Variants in MME observed in about 807,000 individuals in gnomAD.
MME encodes the protein neprilysin.
Under a neutral mutation model 113.2 loss-of-function variants are expected in MME, and 98 were observed. The ratio of observed to expected loss-of-function variants is 0.87; its 90% confidence interval spans 0.74 to 1.02. The LOEUF is 1.02. Ranked by LOEUF, MME falls within the 50% of genes least tolerant of loss-of-function variation. The pLI is 0.00. For synonymous variants in MME, 292 were observed against 300.6 expected (o/e 0.97, Z 0.30); for missense variants, 836 against 896.0 (o/e 0.93, Z 0.86).
intron 12 of MME, among the ~76,000 whole-genome samples, chr3:155,142,786 A>G (rs1214675939): frequency 2.6e-5 from 4 of 152,106 alleles, no homozygotes; most frequent in African/African-American, 7.2e-5. Context: ...CTATACCTAT[A>G]TTATTTAAAC....
chr3:155,102,229 G>T (rs1410273940), intron 3 of MME, among the ~76,000 whole-genome samples: 1 of 152,184 alleles, frequency 6.6e-6, no homozygotes, highest in Non-Finnish European at 1.5e-5. Context: ...ATAGCAGATG[G>T]TGATGATTTA....
At chr3:155,103,427 G>A (rs1253869731) in intron 3 of MME, among the ~76,000 whole-genome samples, 1 of 152,242 alleles carries the variant, frequency 6.6e-6, no homozygotes, top group South Asian at 2.1e-4. Context: ...AGCCTCCTAG[G>A]TTTAGCCCCT....
rs955241975 is a variant in MME, at chr3:155,116,721, G to A, written c.497G>A (p.Gly166Glu). 1.9e-6 allele frequency: 3 copies of A among 1,613,454 alleles called. No individual in the cohort carries two copies. The highest frequency in any genetic ancestry group is 2.5e-6 in the Non-Finnish European group (3 of 1,179,786). Residue 166 changes from glycine (G) to glutamate (E), a missense_variant, in exon 6 of 23, where the codon GGG becomes GAG. Coordinates refer to ENST00000360490, the MANE Select transcript of MME (RefSeq NM_007289.4). ...PLLKLLPDIY[G>E]WPVATENWEQ... Reference sequence around the variant, plus strand: ...CTCAAACTGTTACCAGACATATATGGGTGGCCAGTAGCAACAGAAAACTGG... The same window carrying A: ...CTCAAACTGTTACCAGACATATATGAGTGGCCAGTAGCAACAGAAAACTGG...
At chr3:155,042,290 G>A (rs961398200) in intron 1 of MME, among the ~76,000 whole-genome samples, 1 of 152,144 alleles carries the variant, frequency 6.6e-6, no homozygotes, top group Non-Finnish European at 1.5e-5. Flanking sequence ...GTTTCTGTGT[G>A]TCTAGCTAAT....
At chr3:155,156,061 T>C (rs1256678254) in intron 16 of MME, among the ~76,000 whole-genome samples, 1 of 152,160 alleles carries the variant, frequency 6.6e-6, no homozygotes, top group Non-Finnish European at 1.5e-5. Flanking sequence ...GTACTTCAGT[T>C]ATGTTAACAA....
chr3:155,069,450 G>C (rs1310275790), intron 1 of MME, among the ~76,000 whole-genome samples: 1 of 152,200 alleles, frequency 6.6e-6, no homozygotes, highest in Non-Finnish European at 1.5e-5. Flanking sequence ...GTTGAGAGAG[G>C]TTTGTTAAGG....
At chr3:155,168,305 A>G (rs1473759540) in intron 18 of MME, among the ~76,000 whole-genome samples, 187 bp from the exon 19 acceptor site, 1 of 152,212 alleles carries the variant, frequency 6.6e-6, no homozygotes, top group Non-Finnish European at 1.5e-5. Flanking sequence ...AAGCATTAGC[A>G]AAGAAAGCTC....
chr3:155,111,824 C>T (rs1376604403), intron 3 of MME, among the ~76,000 whole-genome samples: 1 of 152,130 alleles, frequency 6.6e-6, no homozygotes, highest in Non-Finnish European at 1.5e-5. Context: ...ATAGCCTTCA[C>T]AACATTCAGT....
chr3:155,063,505 A>T (rs1439224143), intron 1 of MME, among the ~76,000 whole-genome samples: 1 of 112,432 alleles, frequency 8.9e-6, no homozygotes, highest in East Asian at 2.3e-4. Flanking sequence ...ATTTAAATAT[A>T]TATATTTAAA....
At chr3:155,148,769 C>A in intron 16 of MME, 116 bp downstream of exon 16, 1 of 753,850 alleles carries the variant, frequency 1.3e-6, no homozygotes, top group East Asian at 2.6e-5. Context: ...ACAAAGTCCT[C>A]TTTTTATTGA....
At chr3:155,085,153 A>C in intron 3 of MME, 59 bp downstream of exon 3, 1 of 1,099,570 alleles carries the variant, frequency 9.1e-7, no homozygotes, top group Non-Finnish European at 1.4e-6. Flanking sequence ...TTTAAAATTA[A>C]ATGCTAATCT....
At chr3:155,046,065 C>T (rs1382096521) in intron 1 of MME, among the ~76,000 whole-genome samples, 1 of 152,134 alleles carries the variant, frequency 6.6e-6, no homozygotes, top group Admixed American at 6.6e-5. Context: ...CTTCAACTAG[C>T]TTTTGTGCCT....
rs1559928693 is a variant in MME, at chr3:155,117,004, A to T, written c.654+18A>T. 3.0e-6 allele frequency: 4 copies of T among 1,312,074 alleles called. No homozygotes were observed. The South Asian group carries it at 4.7e-5, about 15-fold the overall frequency. 81.3% of individuals were successfully genotyped at this position (1,312,074 alleles called of 1,614,324 possible). Reference sequence around the variant, plus strand: ...TAATTCATGTAAGTTTGTGTGTCAAATAACTAAAGTTACCTTTAAATTGTA... The same window carrying T: ...TAATTCATGTAAGTTTGTGTGTCAATTAACTAAAGTTACCTTTAAATTGTA... On this transcript the variant is annotated intron_variant, in intron 7 of 22. Coordinates refer to ENST00000360490, the MANE Select transcript of MME (RefSeq NM_007289.4).
At chr3:155,139,826 A>G (rs1300409588) in intron 9 of MME, among the ~76,000 whole-genome samples, 5 of 152,200 alleles carry the variant, frequency 3.3e-5, no homozygotes, top group Non-Finnish European at 4.4e-5. Flanking sequence ...TATTTAAGAG[A>G]GAAATTGGAG....
Position 155,167,011 on chromosome 3 carries a change from C to T in MME, c.1770C>T (p.Phe590=), listed in dbSNP as rs199996079. The change falls in exon 18 of 23, where the codon TTC becomes TTT. Residue 590 remains phenylalanine, a synonymous_variant. Coordinates refer to ENST00000360490, the MANE Select transcript of MME (RefSeq NM_007289.4). The part of the protein sequence containing the change: ...MVIGHEITHG[F]DDNGRNFNKD... ...TAGGACACGAAATCACCCATGGCTTCGATGACAATGGTAAAGTGCAGTTGA... is the reference window on the plus strand; with the variant it reads ...TAGGACACGAAATCACCCATGGCTTTGATGACAATGGTAAAGTGCAGTTGA... 11 of 1,613,410 alleles carry T rather than the reference C, an allele frequency of 6.8e-6. No individual in the cohort carries two copies. The highest frequency in any genetic ancestry group is 2.2e-5 in the East Asian group (1 of 44,814).
intron 1 of MME, among the ~76,000 whole-genome samples, chr3:155,045,523 C>CTT (rs57902267): frequency 0.045 from 6,172 of 138,482 alleles, 147 homozygotes; most frequent in African/African-American, 0.053. Flanking sequence ...AATTAATTAT[C>CTT]TTTTTTTTTT....
intron 17 of MME, 125 bp downstream of exon 17, chr3:155,160,573 T>A: frequency 1.5e-6 from 1 of 683,694 alleles, no homozygotes; most frequent in Non-Finnish European, 2.6e-6. Context: ...CTCTATTGAA[T>A]GCATTTCTTG....
Position 155,144,389 on chromosome 3 carries a change from G to T in MME, c.1348G>T (p.Val450Phe), listed in dbSNP as rs147133542. 13 of 1,612,962 alleles carry T rather than the reference G, an allele frequency of 8.1e-6. No individual in the cohort carries two copies. Among genetic ancestry groups the T allele is most frequent in the Non-Finnish European group, 1.1e-5 (13 of 1,179,336 alleles). ...GGATTTGATTGCACAGATCCGAGAA[G>T]TTTTTATTCAGACTTTAGATGACCT... ...VEDLIAQIRE[V>F]FIQTLDDLTW... The change falls in exon 14 of 23, where the codon GTT becomes TTT. Residue 450 changes from valine (V) to phenylalanine (F), a missense_variant. Physicochemically the swap from Val to Phe is conservative, Grantham distance 50. Coordinates refer to ENST00000360490, the MANE Select transcript of MME (RefSeq NM_007289.4).
intron 16 of MME, among the ~76,000 whole-genome samples, chr3:155,150,542 G>A (rs934446457): frequency 6.6e-6 from 1 of 152,006 alleles, no homozygotes; most frequent in Admixed American, 6.6e-5. Context: ...CTTTCCTATA[G>A]TCTGCCTGTA....
Sources: gnomAD v4.1 joint callset for allele counts (sites outside exome capture counted in the v4.1 genomes callset) on GRCh38, gnomAD v4.1.1 for gene constraint, MANE v1.5 for transcripts, NCBI Gene and HGNC (gene_info 2026-07-23, HGNC 2026-07-21) for gene names.